Variants in NFATC1 observed in about 807,000 individuals in gnomAD.
NFATC1 encodes nuclear factor of activated T-cells, cytoplasmic 1.
Under a neutral mutation model 76.0 loss-of-function variants are expected in NFATC1, and 22 were observed. The observed-to-expected ratio is 0.29, with a 90% CI of 0.21 to 0.41. The LOEUF is 0.41. NFATC1 is among the 10% of genes least tolerant of loss of function. The pLI, the probability that NFATC1 is intolerant of heterozygous loss-of-function variation, is 1.00. For missense variants in NFATC1, 1,357 were observed against 1,337.7 expected (o/e 1.01, Z -0.23); for synonymous variants, 704 against 613.1 (o/e 1.15, Z -2.19).
At chr18:79,459,645 G>A (rs1411878151) in intron 6 of NFATC1, among the ~76,000 whole-genome samples, 3 of 152,174 alleles carry the variant, frequency 2.0e-5, no homozygotes, top group East Asian at 1.9e-4. Flanking sequence ...TGGGCTGGGC[G>A]GGAAGCAAAC....
In NFATC1 at chr18:79,396,106, C is replaced by G. The variant is rs1194332955; in HGVS notation, c.-119C>G. 1.3e-5 allele frequency: 15 copies of G among 1,157,264 alleles called. No individual in the cohort carries two copies. In the East Asian group the frequency reaches 6.3e-4, roughly 48 times the overall value. The allele number at this position is 1,157,264 out of a possible 1,614,324, so 71.7% of individuals were successfully genotyped here. On this transcript the variant is annotated 5_prime_UTR_variant, in exon 1 of 10. Coordinates refer to ENST00000427363, the MANE Select transcript of NFATC1 (RefSeq NM_001278669.2). ...GCCCCTCGATGACTTTCCTCCGGGG[C>G]GCGCGGCGCTGAGCCCGGGGCGAGG... is the stretch of plus-strand genomic sequence containing the variant.
chr18:79,485,630 A>G (rs887230510), intron 8 of NFATC1, among the ~76,000 whole-genome samples: 12 of 152,340 alleles, frequency 7.9e-5, no homozygotes, highest in African/African-American at 2.6e-4. Context: ...GGGTGGGAGA[A>G]AGCTCTAGAA....
At chr18:79,518,500 C>T (rs974019935) in intron 9 of NFATC1, among the ~76,000 whole-genome samples, 1 of 152,144 alleles carries the variant, frequency 6.6e-6, no homozygotes, top group Non-Finnish European at 1.5e-5. Flanking sequence ...CCTGGCACCC[C>T]CCCTCTCGCT....
Position 79,410,245 on chromosome 18 carries a change from G to A in NFATC1, c.128-158G>A, listed in dbSNP as rs2085616004. On this transcript the variant is annotated intron_variant, in intron 1 of 9. Transcript: ENST00000427363. This position sits in a 1 kb window ranked among gnomAD's most constrained non-coding sequence, Gnocchi z 6.7. ...TGGGGCTGTCACTCCAAGTCGCCCG[G>A]AGCTGTCCGGCAGCGTGGTCTCAGG... 8.1e-7 allele frequency: 1 copy of A among 1,239,448 alleles called. No individual in the cohort carries two copies. The highest frequency in any genetic ancestry group is 2.3e-5 in the East Asian group (1 of 42,746). 76.8% of individuals were successfully genotyped at this position (1,239,448 alleles called of 1,614,324 possible). A position where few individuals can be genotyped will look rare whatever the true frequency, so the allele number is the denominator to read the frequency against.
At chr18:79,444,956 C>T (rs963015236) in intron 3 of NFATC1, among the ~76,000 whole-genome samples, 1 of 152,228 alleles carries the variant, frequency 6.6e-6, no homozygotes, top group Non-Finnish European at 1.5e-5. Flanking sequence ...GAAGCCCCGG[C>T]AAGCACAGAA....
intron 4 of NFATC1, among the ~76,000 whole-genome samples, chr18:79,450,216 T>C (rs532674861): frequency 2.6e-4 from 40 of 152,270 alleles, no homozygotes; most frequent in Middle Eastern, 6.8e-3. Context: ...TTCTCTTAAC[T>C]TACTGAAAAA....
At chr18:79,405,797 C>T (rs149369389) in intron 1 of NFATC1, among the ~76,000 whole-genome samples, 167 of 152,350 alleles carry the variant, frequency 1.1e-3, no homozygotes, top group Non-Finnish European at 1.8e-3. Context: ...TTCTTTGCCT[C>T]ATCGAATCAG....
chr18:79,510,795 G>A lies in NFATC1; in HGVS notation c.2783-16733G>A, dbSNP rs906211665. On this transcript the variant is annotated intron_variant, in intron 9 of 9. Transcript: ENST00000427363. ...CTGTGTGGCCCTGGGCACAGACCCC[G>A]GCATCCCCTCCACGGGGCTCCTCTG... Among the ~76,000 whole-genome samples, 5 of 152,270 alleles carry A rather than the reference G, an allele frequency of 3.3e-5. 1 individual carries two copies. The highest frequency in any genetic ancestry group is 1.2e-4 in the African/African-American group (5 of 41,536).
rs961219205 is a variant in NFATC1 at position 79,465,460 on chromosome 18, C to T, written c.1960-1990C>T. ...CCACAAGGTCCCGCCTCCGCCCAGCCAGCCTGGCCCACGGAATCTCCGCCT... is the reference window on the plus strand; with the variant it reads ...CCACAAGGTCCCGCCTCCGCCCAGCTAGCCTGGCCCACGGAATCTCCGCCT... On this transcript the variant is annotated intron_variant, in intron 7 of 9. Coordinates refer to ENST00000427363, the MANE Select transcript of NFATC1 (RefSeq NM_001278669.2). This position sits in a 1 kb window ranked among gnomAD's most constrained non-coding sequence, Gnocchi z 4.2. Among the ~76,000 whole-genome samples the T allele has an allele frequency of 1.3e-5, 2 of 151,636 alleles. No homozygotes were observed. Among genetic ancestry groups the T allele is most frequent in the Non-Finnish European group, 1.5e-5 (1 of 67,876 alleles).
At chr18:79,482,825 G>T (rs1477429964) in intron 8 of NFATC1, among the ~76,000 whole-genome samples, 11 of 139,826 alleles carry the variant, frequency 7.9e-5, no homozygotes, top group Non-Finnish European at 1.7e-4. Context: ...CCTGGTCCGG[G>T]GGTGTAATTC....
intron 3 of NFATC1, among the ~76,000 whole-genome samples, chr18:79,436,532 A>G (rs938276582): frequency 3.9e-5 from 6 of 152,050 alleles, no homozygotes; most frequent in Non-Finnish European, 7.4e-5. Flanking sequence ...GTCCTCCCGC[A>G]CCCGGCGTCC....
At chr18:79,488,337 A>T (rs951082772) in intron 9 of NFATC1, among the ~76,000 whole-genome samples, 3 of 113,654 alleles carry the variant, frequency 2.6e-5, no homozygotes, top group Admixed American at 2.6e-4. Context: ...TGTGTGTGTG[A>T]ACTTGAGGTA....
intron 8 of NFATC1, among the ~76,000 whole-genome samples, chr18:79,473,606 G>A (rs1007695875): frequency 1.4e-5 from 2 of 141,706 alleles, no homozygotes; most frequent in South Asian, 2.2e-4. Context: ...TGAGGGAAGC[G>A]TGTTCTCACA....
intron 9 of NFATC1, 48 bp from the exon 10 acceptor site, chr18:79,527,480 T>A (rs2090799926): frequency 1.3e-6 from 2 of 1,506,668 alleles, no homozygotes; most frequent in Non-Finnish European, 9.2e-7. Flanking sequence ...GTTGCTTTGA[T>A]GTTTATGGTA....
At chr18:79,467,645 C>T (rs770096420) in intron 8 of NFATC1, 63 bp downstream of exon 8, 17 of 1,597,354 alleles carry the variant, frequency 1.1e-5, no homozygotes, top group South Asian at 2.2e-5. Flanking sequence ...TTTCTAAAGA[C>T]GCAGAAACGA....
intron 9 of NFATC1, among the ~76,000 whole-genome samples, chr18:79,502,691 A>G (rs554816985): frequency 1.4e-4 from 21 of 152,332 alleles, no homozygotes; most frequent in African/African-American, 4.8e-4. Flanking sequence ...TCCAGACAAG[A>G]CATAGGAATG....
chr18:79,506,924 G>C (rs571767305), intron 9 of NFATC1, among the ~76,000 whole-genome samples: 49 of 152,330 alleles, frequency 3.2e-4, no homozygotes, highest in African/African-American at 1.1e-3. Flanking sequence ...CTCACACACA[G>C]TAAGGGACAA....
chr18:79,457,414 G>A (rs1342923648), intron 6 of NFATC1, among the ~76,000 whole-genome samples: 1 of 152,160 alleles, frequency 6.6e-6, no homozygotes, highest in Admixed American at 6.5e-5. Flanking sequence ...GGTGTGGGGA[G>A]GCCACGCGTC....
chr18:79,456,879 C>T (rs1303380839), intron 6 of NFATC1, among the ~76,000 whole-genome samples: 1 of 152,216 alleles, frequency 6.6e-6, no homozygotes, highest in African/African-American at 2.4e-5. Flanking sequence ...CCAGCTCCAG[C>T]GTCCGCGGCA....
Sources: gnomAD v4.1 joint callset for allele counts (sites outside exome capture counted in the v4.1 genomes callset) on GRCh38, gnomAD v4.1.1 for gene constraint, Gnocchi (gnomAD v3.1) non-coding constraint, MANE v1.5 for transcripts, NCBI Gene and HGNC (gene_info 2026-07-23, HGNC 2026-07-21) for gene names.